Variants in RUNX1 observed in about 807,000 individuals in gnomAD.
RUNX1 encodes RUNX family transcription factor 1, also known as runt-related transcription factor 1.
A neutral mutation model predicts 42.8 loss-of-function variants in RUNX1; 19 were observed. The observed-to-expected ratio is 0.44, with a 90% CI of 0.31 to 0.65. The LOEUF (loss-of-function observed/expected upper bound fraction) is 0.65, where lower values mean the gene tolerates loss of function less well. RUNX1 is among the 30% of genes least tolerant of loss of function. The pLI is 0.07. For missense variants in RUNX1, 528 were observed against 672.0 expected, an observed-to-expected ratio of 0.79 and a Z score of 2.37; for synonymous variants, 271 against 289.4, an observed-to-expected ratio of 0.94 and a Z score of 0.64.
At chr21:34,925,759 G>A (rs539755768) in intron 2 of RUNX1, among the ~76,000 whole-genome samples, 2 of 152,286 alleles carry the variant, frequency 1.3e-5, no homozygotes, top group East Asian at 1.9e-4. Context: ...ATCCTTAGAG[G>A]TAGAAAAATG....
chr21:34,826,434 C>CTTTTTT (rs772880673), intron 7 of RUNX1, among the ~76,000 whole-genome samples: 91 of 105,338 alleles, frequency 8.6e-4, no homozygotes, highest in Middle Eastern at 7.1e-3. Flanking sequence ...TTCTTTCTTT[C>CTTTTTT]TTTTTTTTTT....
intron 3 of RUNX1, chr21:34,889,691 C>A (rs963027280): frequency 3.1e-5 from 36 of 1,167,692 alleles, no homozygotes; most frequent in Non-Finnish European, 3.6e-5. Context: ...GCTTCGCGTG[C>A]GGGCGGCCGC....
rs562701553 is a variant in RUNX1 at position 34,902,044 on chromosome 21, G to A, written c.59-9081C>T. Among the ~76,000 whole-genome samples, 8 of 152,250 alleles carry A rather than the reference G, an allele frequency of 5.3e-5. No homozygotes were observed. The East Asian group carries it at 1.5e-3, about 29-fold the overall frequency. Reference sequence around the variant, plus strand: ...AAATGTGACATGATTTTTCTAAGTTGAGTAAAAAAGAAATGAATGAATGTA... The same window carrying A: ...AAATGTGACATGATTTTTCTAAGTTAAGTAAAAAAGAAATGAATGAATGTA... On this transcript the variant is annotated intron_variant, in intron 2 of 8. Coordinates refer to ENST00000675419, the MANE Select transcript of RUNX1 (RefSeq NM_001754.5).
At position 34,843,546 on chromosome 21, in the gene RUNX1, G is replaced by A. The variant is rs75644490; in HGVS notation, c.614-8945C>T. Among the ~76,000 whole-genome samples the A allele has an allele frequency of 3.6e-4, 54 of 152,022 alleles. No homozygotes were observed. Among genetic ancestry groups the A allele is most frequent in the Admixed American group, 7.2e-4 (11 of 15,278 alleles). ...CACACACACACACCGTTCTGTGATC[G>A]CCCTCAGGACATGGGCCAAGACAAG... On this transcript the variant is annotated intron_variant, in intron 6 of 8. Coordinates refer to ENST00000675419, the MANE Select transcript of RUNX1 (RefSeq NM_001754.5). This position sits in a 1 kb window ranked among gnomAD's most constrained non-coding sequence, Gnocchi z 4.8.
chr21:35,039,340 A>G (rs2147002155), intron 2 of RUNX1, among the ~76,000 whole-genome samples: 1 of 152,330 alleles, frequency 6.6e-6, no homozygotes, highest in African/African-American at 2.4e-5. Flanking sequence ...ACCCTGGGCA[A>G]GTGAACCTCT....
At chr21:34,839,296 C>T (rs55756507) in intron 6 of RUNX1, among the ~76,000 whole-genome samples, 3,696 of 150,704 alleles carry the variant, frequency 0.025, 48 homozygotes, top group African/African-American at 0.031. Context: ...TCAACACCCA[C>T]GGACACACAC....
rs145789308 is a variant in RUNX1 at position 35,000,649 on chromosome 21, T to G, written c.58+48193A>C. Among the ~76,000 whole-genome samples the G allele has an allele frequency of 1.8e-3, 275 of 152,326 alleles. 1 individual carries two copies. Among genetic ancestry groups the G allele is most frequent in the African/African-American group, 6.0e-3 (250 of 41,566 alleles). On this transcript the variant is annotated intron_variant, in intron 2 of 8. Coordinates refer to ENST00000675419, the MANE Select transcript of RUNX1 (RefSeq NM_001754.5). ...GAAGGGCAGGCAGATAGCTATTTTATTCATGTTCCCATAGTTGAGTGCTTC... is the reference window on the plus strand; with the variant it reads ...GAAGGGCAGGCAGATAGCTATTTTAGTCATGTTCCCATAGTTGAGTGCTTC...
At chr21:34,928,638 C>T (rs1217483073) in intron 2 of RUNX1, among the ~76,000 whole-genome samples, 2 of 151,474 alleles carry the variant, frequency 1.3e-5, no homozygotes, top group Non-Finnish European at 1.5e-5. Flanking sequence ...CAAGATCGCG[C>T]CACTGCACTC....
At chr21:34,997,824 A>ATAACT (rs2059008372) in intron 2 of RUNX1, among the ~76,000 whole-genome samples, 1 of 152,202 alleles carries the variant, frequency 6.6e-6, no homozygotes, top group Non-Finnish European at 1.5e-5. Context: ...GATGATTTTC[A>ATAACT]TAACTCAAGA....
At chr21:34,996,195 A>C (rs1373957598) in intron 2 of RUNX1, among the ~76,000 whole-genome samples, 1 of 152,154 alleles carries the variant, frequency 6.6e-6, no homozygotes, top group Non-Finnish European at 1.5e-5. Flanking sequence ...GCCCTGACCT[A>C]TCCCAGGGGT....
chr21:34,790,642 T>A lies in RUNX1; in HGVS notation c.*1493A>T. 1 of 233,266 alleles carries A rather than the reference T, an allele frequency of 4.3e-6. No individual in the cohort carries two copies. The highest frequency in any genetic ancestry group is 8.5e-6 in the Non-Finnish European group (1 of 118,054). The allele number at this position is 233,266 out of a possible 1,614,324, so 14.4% of individuals were successfully genotyped here. A position where few individuals can be genotyped will look rare whatever the true frequency, so the allele number is the denominator to read the frequency against. On this transcript the variant is annotated 3_prime_UTR_variant, in exon 9 of 9. Coordinates refer to ENST00000675419, the MANE Select transcript of RUNX1 (RefSeq NM_001754.5). ...GTAAAAGCCCATATACCCCATAGGG[T>A]AGGGTCTCAGCCTGGTGAAAGCAAC...
At chr21:34,894,896 C>CACAA (rs1569091505) in intron 2 of RUNX1, among the ~76,000 whole-genome samples, 1 of 136,944 alleles carries the variant, frequency 7.3e-6, no homozygotes, top group Non-Finnish European at 1.5e-5. Flanking sequence ...CACACACACA[C>CACAA]ACACACACAC....
At chr21:34,874,862 A>C (rs559699905) in intron 5 of RUNX1, among the ~76,000 whole-genome samples, 1 of 152,260 alleles carries the variant, frequency 6.6e-6, no homozygotes, top group South Asian at 2.1e-4. Flanking sequence ...TTGTTGCTGA[A>C]ACAGGAAGCT....
At chr21:34,880,024 G>A (rs1443886327) in intron 5 of RUNX1, among the ~76,000 whole-genome samples, 2 of 152,114 alleles carry the variant, frequency 1.3e-5, no homozygotes, top group African/African-American at 2.4e-5. Flanking sequence ...TGCCATCAAT[G>A]GTACTAACAT....
At position 34,886,610 on chromosome 21, in the gene RUNX1, C is replaced by G. The variant is rs1209484836; in HGVS notation, c.351+233G>C. 2.6e-5 allele frequency among the ~76,000 whole-genome samples: 4 copies of G among 152,236 alleles called. 1 individual carries two copies. In the South Asian group the frequency reaches 6.2e-4, roughly 24 times the overall value. On this transcript the variant is annotated intron_variant, in intron 4 of 8. Transcript: ENST00000675419. Reference sequence around the variant, plus strand: ...TCCCAGTGGATATCTTTGGGGACACCCTGATGTTTTCAGCCCTCCTGGGAG... The same window carrying G: ...TCCCAGTGGATATCTTTGGGGACACGCTGATGTTTTCAGCCCTCCTGGGAG...
At chr21:34,865,316 G>T (rs1358856578) in intron 5 of RUNX1, among the ~76,000 whole-genome samples, 15 of 147,328 alleles carry the variant, frequency 1.0e-4, no homozygotes, top group Admixed American at 9.4e-4. Context: ...GTGTGTGTGT[G>T]TGTGTGTGTT....
rs191626784 is a variant in RUNX1 at position 35,032,421 on chromosome 21, A to G, written c.58+16421T>C. On this transcript the variant is annotated intron_variant, in intron 2 of 8. Coordinates refer to ENST00000675419, the MANE Select transcript of RUNX1 (RefSeq NM_001754.5). ...TTGAGTTTTTCCATTAAGAAAGTCTATTTAAGCTGATAAAGTGGAAAAGAG... is the reference window on the plus strand; with the variant it reads ...TTGAGTTTTTCCATTAAGAAAGTCTGTTTAAGCTGATAAAGTGGAAAAGAG... Among the ~76,000 whole-genome samples the G allele has an allele frequency of 5.3e-5, 8 of 152,334 alleles. No individual in the cohort carries two copies. The East Asian group carries it at 9.6e-4, about 18-fold the overall frequency.
At chr21:34,854,402 C>A (rs2057467345) in intron 6 of RUNX1, among the ~76,000 whole-genome samples, 2 of 151,836 alleles carry the variant, frequency 1.3e-5, no homozygotes. Flanking sequence ...AGTAATGGCT[C>A]CACCTTACCA....
intron 7 of RUNX1, among the ~76,000 whole-genome samples, chr21:34,816,227 A>C (rs1342138182): frequency 6.6e-6 from 1 of 152,212 alleles, no homozygotes; most frequent in Non-Finnish European, 1.5e-5. Context: ...GAGCAAGGAA[A>C]AATCCTTCCT....
Sources: gnomAD v4.1 joint callset for allele counts (sites outside exome capture counted in the v4.1 genomes callset) on GRCh38, gnomAD v4.1.1 for gene constraint, Gnocchi (gnomAD v3.1) non-coding constraint, MANE v1.5 for transcripts, NCBI Gene and HGNC (gene_info 2026-07-23, HGNC 2026-07-21) for gene names.